Variants in ARFGEF1 observed in about 807,000 individuals in gnomAD.
The protein encoded by ARFGEF1 is ARF guanine nucleotide exchange factor 1.
ARFGEF1 carries 42 observed loss-of-function variants against 231.0 expected under a neutral mutation model. That is an observed-to-expected ratio of 0.18 (90% CI 0.14 to 0.24). The LOEUF is 0.24. ARFGEF1 is among the 10% of genes least tolerant of loss of function. ARFGEF1 has a pLI of 1.00. For missense variants in ARFGEF1, 1,345 were observed against 2,192.0 expected, an observed-to-expected ratio of 0.61 and a Z score of 7.72; for synonymous variants, 710 against 732.3, an observed-to-expected ratio of 0.97 and a Z score of 0.49.
intron 19 of ARFGEF1, among the ~76,000 whole-genome samples, chr8:67,241,410 TATC>T (rs1839922834): frequency 6.6e-6 from 1 of 152,166 alleles, no homozygotes; most frequent in Non-Finnish European, 1.5e-5. Context: ...AGAAACAGTG[TATC>T]TATTTGGAAG....
rs140737961 is a variant in ARFGEF1 at position 67,309,320 on chromosome 8, G to A, written c.125-6854C>T. ...AGGATACAAAATTTCAGCTAGACCA[G>A]AAGAATAAGCTTTAGTGATCTGTTA... is the stretch of plus-strand genomic sequence containing the variant. On this transcript the variant is annotated intron_variant, in intron 1 of 38. Coordinates refer to ENST00000262215, the MANE Select transcript of ARFGEF1 (RefSeq NM_006421.5). Among the ~76,000 whole-genome samples, 409 of 152,320 alleles carry A rather than the reference G, an allele frequency of 2.7e-3. 2 individuals carry two copies. The highest frequency in any genetic ancestry group is 9.6e-3 in the African/African-American group (399 of 41,582).
intron 1 of ARFGEF1, among the ~76,000 whole-genome samples, chr8:67,303,857 A>G (rs1045543833): frequency 2.6e-5 from 4 of 152,200 alleles, no homozygotes; most frequent in African/African-American, 9.6e-5. Context: ...TACATAGACT[A>G]TTACACTTTA....
intron 20 of ARFGEF1, 61 bp downstream of exon 20, chr8:67,240,101 A>G: frequency 6.4e-7 from 1 of 1,570,208 alleles, no homozygotes; most frequent in South Asian, 1.2e-5. Context: ...AATTTAAACT[A>G]TTGTAATGGC....
At position 67,198,120 on chromosome 8, in the gene ARFGEF1, C is replaced by T. The variant is rs1838161153; in HGVS notation, c.*814G>A. 7 of 985,706 alleles carry T rather than the reference C, an allele frequency of 7.1e-6. No individual in the cohort carries two copies. The highest frequency in any genetic ancestry group is 7.2e-6 in the Non-Finnish European group (6 of 829,914). 61.1% of individuals were successfully genotyped at this position (985,706 alleles called of 1,614,324 possible). A position where few individuals can be genotyped will look rare whatever the true frequency, so the allele number is the denominator to read the frequency against. The stretch of plus-strand genomic sequence containing the variant: ...TAAAAGTCCTAAGAGAAATATGTGA[C>T]AGGTAGTTACTGTCAGTAGGGATAT... On this transcript the variant is annotated 3_prime_UTR_variant, in exon 39 of 39. Transcript: ENST00000262215.
chr8:67,200,366 G>A (rs776180436), intron 38 of ARFGEF1, 30 bp downstream of exon 38: 2 of 1,459,846 alleles, frequency 1.4e-6, no homozygotes, highest in Non-Finnish European at 1.9e-6. Context: ...GGCTAGAAAT[G>A]TGGGGCTGGA....
chr8:67,251,625 A>G (rs1384196187), intron 18 of ARFGEF1, among the ~76,000 whole-genome samples, 175 bp from the exon 19 acceptor site: 1 of 152,198 alleles, frequency 6.6e-6, no homozygotes, highest in Non-Finnish European at 1.5e-5. Flanking sequence ...GAATAGGTAA[A>G]ATCCATAGAA....
downstream of ARFGEF1, chr8:67,195,431 G>A: frequency 6.2e-7 from 1 of 1,614,182 alleles, no homozygotes; most frequent in Non-Finnish European, 8.5e-7. Flanking sequence ...AACACATAGG[G>A]GATGACGGAT....
chr8:67,183,843 ATTTTTTTT>A (rs918103972), intron 5 of ARFGEF1, among the ~76,000 whole-genome samples: 20 of 108,182 alleles, frequency 1.8e-4, no homozygotes, highest in Non-Finnish European at 2.7e-4. Context: ...AAAATTGGGA[ATTTTTTTT>A]TTTTTTTTTT....
chr8:67,287,814 C>A, intron 7 of ARFGEF1, 141 bp downstream of exon 7: 1 of 491,850 alleles, frequency 2.0e-6, no homozygotes, highest in East Asian at 3.5e-5. Context: ...GGCCAAAATC[C>A]TAAATGTGGA....
At chr8:67,201,962 G>A (rs1264378335) in intron 36 of ARFGEF1, 1 of 272,048 alleles carries the variant, frequency 3.7e-6, no homozygotes, top group Admixed American at 6.0e-5. Flanking sequence ...GAGGTCTGAT[G>A]GGTCCGGTGT....
chr8:67,179,510 G>C (rs974965049), intron 5 of ARFGEF1, among the ~76,000 whole-genome samples: 2 of 152,170 alleles, frequency 1.3e-5, no homozygotes, highest in Admixed American at 1.3e-4. Flanking sequence ...TGTTTAATTG[G>C]GGTCTTTGCT....
chr8:67,187,272 AAAGAG>A (rs1259839308), intron 5 of ARFGEF1, among the ~76,000 whole-genome samples: 2 of 152,228 alleles, frequency 1.3e-5, no homozygotes, highest in African/African-American at 4.8e-5. Flanking sequence ...CACAATGTTT[AAAGAG>A]AAGAGTTGGA....
intron 11 of ARFGEF1, 46 bp from the exon 12 acceptor site, chr8:67,267,276 G>C (rs750892593): frequency 5.0e-6 from 8 of 1,599,884 alleles, no homozygotes; most frequent in Admixed American, 3.4e-5. Flanking sequence ...TCTAGGATAT[G>C]AGTACATTTG....
At chr8:67,245,387 TCA>T (rs1840073125) in intron 19 of ARFGEF1, among the ~76,000 whole-genome samples, 1 of 150,362 alleles carries the variant, frequency 6.7e-6, no homozygotes, top group East Asian at 1.9e-4. Flanking sequence ...GAAAGATGAC[TCA>T]CAGCTTTTCA....
intron 1 of ARFGEF1, among the ~76,000 whole-genome samples, chr8:67,319,643 C>T (rs189292373): frequency 6.0e-4 from 91 of 151,916 alleles, no homozygotes; most frequent in Non-Finnish European, 2.1e-4. Flanking sequence ...AGTTTGGATT[C>T]GGCAGAGTTC....
chr8:67,283,971 T>G lies in ARFGEF1; in HGVS notation c.1027+3984A>C, dbSNP rs1473996879. On this transcript the variant is annotated intron_variant, in intron 7 of 38. Transcript: ENST00000262215. The stretch of plus-strand genomic sequence containing the variant: ...TTACCACTTGACCCAATAATCTCAT[T>G]TCTAGGAATTTGCCCTCAAAATAAA... Among the ~76,000 whole-genome samples, 4 of 152,260 alleles carry G rather than the reference T, an allele frequency of 2.6e-5. No individual in the cohort carries two copies. The East Asian group carries it at 7.7e-4, about 29-fold the overall frequency.
intron 34 of ARFGEF1, 55 bp from the exon 35 acceptor site, chr8:67,204,874 T>C (rs546411470): frequency 1.2e-4 from 197 of 1,592,994 alleles, no homozygotes; most frequent in Middle Eastern, 5.0e-4. Context: ...TTTGAATCCT[T>C]TATAATTTCC....
rs1464389575 is a variant in ARFGEF1, at chr8:67,198,087, C to T, written c.*847G>A. ...ATAAAGGATCATTCTATTTTAATGG[C>T]TCATCTTTAAAAGTCCTAAGAGAAA... On this transcript the variant is annotated 3_prime_UTR_variant, in exon 39 of 39. Coordinates refer to ENST00000262215, the MANE Select transcript of ARFGEF1 (RefSeq NM_006421.5). The T allele has an allele frequency of 1.2e-5, 12 of 985,644 alleles. No homozygotes were observed. The highest frequency in any genetic ancestry group is 6.1e-5 in the Admixed American group (1 of 16,264). 61.1% of individuals were successfully genotyped at this position (985,644 alleles called of 1,614,324 possible).
intron 22 of ARFGEF1, among the ~76,000 whole-genome samples, chr8:67,233,257 C>T (rs1839610929): frequency 6.6e-6 from 1 of 151,916 alleles, no homozygotes; most frequent in South Asian, 2.1e-4. Flanking sequence ...TAAAGAAATG[C>T]AGCACTAATC....
Sources: gnomAD v4.1 joint callset for allele counts (sites outside exome capture counted in the v4.1 genomes callset) on GRCh38, gnomAD v4.1.1 for gene constraint, MANE v1.5 for transcripts, NCBI Gene and HGNC (gene_info 2026-07-23, HGNC 2026-07-21) for gene names.